ARAP2: variants seen among roughly 807,000 people sequenced by gnomAD.
The protein encoded by ARAP2 is ArfGAP with RhoGAP domain, ankyrin repeat and PH domain 2.
ARAP2 carries 148 observed loss-of-function variants against 194.5 expected under a neutral mutation model. The ratio of observed to expected loss-of-function variants is 0.76; its 90% CI spans 0.67 to 0.87. ARAP2 has a LOEUF of 0.87. ARAP2 is among the 40% of genes least tolerant of loss of function. The pLI is 0.00. For missense variants in ARAP2, 2,128 were observed against 1,989.7 expected, an observed-to-expected ratio of 1.07 and a Z score of -1.32; for synonymous variants, 695 against 683.5, an observed-to-expected ratio of 1.02 and a Z score of -0.26.
chr4:36,100,452 G>A (rs1716557494), intron 27 of ARAP2, among the ~76,000 whole-genome samples: 3 of 151,966 alleles, frequency 2.0e-5, no homozygotes, highest in South Asian at 2.1e-4. Flanking sequence ...AAGTGATGAA[G>A]GGCACAAATG....
intron 27 of ARAP2, among the ~76,000 whole-genome samples, chr4:36,105,700 C>A (rs977757639): frequency 6.6e-6 from 1 of 151,928 alleles, no homozygotes; most frequent in South Asian, 2.1e-4. Context: ...GGGTTGTTTG[C>A]CACCCACCCC....
chr4:36,216,060 A>C (rs1386894864), intron 2 of ARAP2, among the ~76,000 whole-genome samples: 1 of 151,460 alleles, frequency 6.6e-6, no homozygotes, highest in African/African-American at 2.4e-5. Flanking sequence ...AGCTTGGGCA[A>C]CATAATGAAA....
chr4:36,174,337 A>G (rs1737334742), intron 9 of ARAP2, among the ~76,000 whole-genome samples: 1 of 152,236 alleles, frequency 6.6e-6, no homozygotes, highest in South Asian at 2.1e-4. Flanking sequence ...AGCAGAATGC[A>G]GTTGTGAAAT....
At chr4:36,162,138 AAATAT>A (rs1560566391) in intron 11 of ARAP2, among the ~76,000 whole-genome samples, 935 of 46,154 alleles carry the variant, frequency 0.02, 10 homozygotes, top group African/African-American at 0.079. Context: ...ACACTTACTT[AAATAT>A]ATATATATAT....
At chr4:36,010,965 A>C (rs1714408348) in intron 9 of ARAP2, among the ~76,000 whole-genome samples, 1 of 152,156 alleles carries the variant, frequency 6.6e-6, no homozygotes, top group African/African-American at 2.4e-5. Flanking sequence ...TAAAGGTCAG[A>C]CAAATACAGA....
chr4:36,009,375 A>G (rs1012795184), intron 9 of ARAP2, among the ~76,000 whole-genome samples: 5 of 152,158 alleles, frequency 3.3e-5, no homozygotes, highest in African/African-American at 9.6e-5. Flanking sequence ...GAATGATTTC[A>G]TGTCTTTTGC....
At chr4:36,157,448 A>C (rs1295022615) in intron 15 of ARAP2, 1 of 152,134 alleles carries the variant, frequency 6.6e-6, no homozygotes. Flanking sequence ...GATGACAAAA[A>C]CCAATTGTCG....
chr4:36,109,949 A>C (rs544462822), intron 26 of ARAP2, among the ~76,000 whole-genome samples: 73 of 148,334 alleles, frequency 4.9e-4, no homozygotes, highest in Admixed American at 2.0e-3. Context: ...ATTATGTATC[A>C]GCCATTATAT....
intron 6 of ARAP2, among the ~76,000 whole-genome samples, chr4:36,207,247 A>G (rs1745749150): frequency 6.6e-6 from 1 of 152,252 alleles, no homozygotes; most frequent in African/African-American, 2.4e-5. Context: ...GCTGCGAAAA[A>G]GTGAAGAAGA....
At chr4:36,109,762 T>C (rs964703669) in intron 26 of ARAP2, among the ~76,000 whole-genome samples, 2 of 151,922 alleles carry the variant, frequency 1.3e-5, no homozygotes, top group Non-Finnish European at 2.9e-5. Flanking sequence ...GGGCACAAAG[T>C]ACAGGTTTGT....
At chr4:36,226,605 T>C (rs1315783334) in intron 2 of ARAP2, among the ~76,000 whole-genome samples, 1 of 152,240 alleles carries the variant, frequency 6.6e-6, no homozygotes, top group Non-Finnish European at 1.5e-5. Context: ...ATTTGGATCT[T>C]TATCTCTTTA....
At chr4:36,148,067 A>G (rs1036551671) in intron 17 of ARAP2, among the ~76,000 whole-genome samples, 14 of 152,126 alleles carry the variant, frequency 9.2e-5, no homozygotes, top group African/African-American at 3.1e-4. Flanking sequence ...ATTTTCCTGA[A>G]TCTGCTCTTT....
chr4:36,121,770 T>C (rs1222628789), intron 22 of ARAP2, among the ~76,000 whole-genome samples: 2 of 151,696 alleles, frequency 1.3e-5, no homozygotes, highest in Non-Finnish European at 2.9e-5. Flanking sequence ...AAATTCCAGG[T>C]GCCAAGCTGG....
chr4:36,173,603 C>G (rs1737144331), intron 9 of ARAP2, among the ~76,000 whole-genome samples: 1 of 150,766 alleles, frequency 6.6e-6, no homozygotes, highest in Non-Finnish European at 1.5e-5. Context: ...AAGTAATTAG[C>G]AAGAAATACA....
intron 5 of ARAP2, among the ~76,000 whole-genome samples, chr4:36,030,895 G>A (rs1277383959): frequency 2.0e-5 from 3 of 151,148 alleles, no homozygotes; most frequent in African/African-American, 7.3e-5. Flanking sequence ...ACTTTGGGAG[G>A]CCTAGTCGGG....
intron 18 of ARAP2, 58 bp downstream of exon 18, chr4:36,147,490 A>G: frequency 6.4e-7 from 1 of 1,564,886 alleles, no homozygotes; most frequent in Non-Finnish European, 8.7e-7. Flanking sequence ...AAAGGCTATC[A>G]CTATTGTATG....
At chr4:36,122,510 A>G (rs577123690) in intron 22 of ARAP2, among the ~76,000 whole-genome samples, 2 of 152,032 alleles carry the variant, frequency 1.3e-5, no homozygotes, top group African/African-American at 4.8e-5. Context: ...AAACTAACAC[A>G]GGAACAGAAA....
chr4:36,058,970 G>C (rs1156967473), intron 1 of ARAP2, among the ~76,000 whole-genome samples: 1 of 152,142 alleles, frequency 6.6e-6, no homozygotes, highest in Non-Finnish European at 1.5e-5. Flanking sequence ...AGTTAACAGA[G>C]TGATCCATGT....
At chr4:36,188,948 T>C (rs1247443590) in intron 7 of ARAP2, among the ~76,000 whole-genome samples, 2 of 152,220 alleles carry the variant, frequency 1.3e-5, no homozygotes, top group Non-Finnish European at 2.9e-5. Context: ...TCTGAGTATT[T>C]TTTAAGTTTC....
Sources: gnomAD v4.1 joint callset for allele counts (sites outside exome capture counted in the v4.1 genomes callset) on GRCh38, gnomAD v4.1.1 for gene constraint, MANE v1.5 for transcripts, NCBI Gene and HGNC (gene_info 2026-07-23, HGNC 2026-07-21) for gene names.